The following CYLD variants were observed in gnomAD, a reference collection of about 807,000 sequenced individuals.
The protein encoded by CYLD is ubiquitin carboxyl-terminal hydrolase CYLD.
Under a neutral mutation model 104.5 loss-of-function variants are expected in CYLD, and 26 were observed. The ratio of observed to expected loss-of-function variants is 0.25; its 90% confidence interval spans 0.18 to 0.35. CYLD has a LOEUF of 0.35. CYLD is among the 10% of genes least tolerant of loss of function. The pLI is 1.00. For missense variants in CYLD, 703 were observed against 1,136.1 expected (o/e 0.62, Z 5.48); for synonymous variants, 385 against 399.9 (o/e 0.96, Z 0.45).
At chr16:50,777,413 A>G (rs1969797079) in intron 7 of CYLD, among the ~76,000 whole-genome samples, 1 of 152,226 alleles carries the variant, frequency 6.6e-6, no homozygotes, top group Admixed American at 6.5e-5. Flanking sequence ...TGATTTATAT[A>G]TAGAATTTGA....
chr16:50,754,858 T>C (rs1191285844), intron 5 of CYLD, among the ~76,000 whole-genome samples: 1 of 144,174 alleles, frequency 6.9e-6, no homozygotes, highest in Non-Finnish European at 1.5e-5. Context: ...TATGTATATA[T>C]ATACACACAC....
chr16:50,780,280 C>T (rs567550266), intron 9 of CYLD, among the ~76,000 whole-genome samples: 9 of 152,260 alleles, frequency 5.9e-5, no homozygotes, highest in African/African-American at 1.2e-4. Context: ...TTAGGCCAAT[C>T]GATTTAGGCT....
chr16:50,780,484 TTGATA>T (rs1293407616), intron 9 of CYLD, among the ~76,000 whole-genome samples: 1 of 152,168 alleles, frequency 6.6e-6, no homozygotes, highest in African/African-American at 2.4e-5. Context: ...AACATATCAT[TTGATA>T]TTTTGTAATC....
chr16:50,749,586 A>G lies in CYLD; in HGVS notation c.-113A>G. ...CCTTTCTTTTTACAGCATGGACACC[A>G]CGTTGCTGAAAACATGCTTTGGGAC... On this transcript the variant is annotated 5_prime_UTR_variant, in exon 3 of 19. Coordinates refer to ENST00000427738, the MANE Select transcript of CYLD (RefSeq NM_001378743.1). The G allele has an allele frequency of 7.5e-6, 8 of 1,060,368 alleles. No individual in the cohort carries two copies. In the South Asian group the frequency reaches 1.1e-4, roughly 15 times the overall value. The allele number at this position is 1,060,368 out of a possible 1,614,324, so 65.7% of individuals were successfully genotyped here. A position where few individuals can be genotyped will look rare whatever the true frequency, so the allele number is the denominator to read the frequency against.
At position 50,779,886 on chromosome 16, in the gene CYLD, G is replaced by T; in HGVS notation, c.1360G>T (p.Val454Phe). 1 of 1,614,020 alleles carries T rather than the reference G, an allele frequency of 6.2e-7. No individual in the cohort carries two copies. Among genetic ancestry groups the T allele is most frequent in the Non-Finnish European group, 8.5e-7 (1 of 1,179,960 alleles). Residue 454 changes from valine to phenylalanine, a missense_variant, in exon 9 of 19, where the codon GTC (valine) becomes TTC (phenylalanine). Around this residue, in one of 5 missense-constraint regions of CYLD, gnomAD observed 183 missense variants for 212.1 expected, o/e 0.86. Transcript: ENST00000427738. ...AATGGAAGAGCTAAACACTGCACCC[G>T]TCCAAGAGAGTCCACCCTTGGCCAT... ...SVMEELNTAP[V>F]QESPPLAMPP...
intron 8 of CYLD, among the ~76,000 whole-genome samples, chr16:50,779,239 T>C (rs1969976170): frequency 6.6e-6 from 1 of 152,204 alleles, no homozygotes; most frequent in Non-Finnish European, 1.5e-5. Flanking sequence ...TTTAGCCATG[T>C]TTCACAAGGA....
At position 50,755,036 on chromosome 16, in the gene CYLD, T is replaced by TAC. The variant is rs1451405302; in HGVS notation, c.913+613_913+614insCA. ...ATATGTATATATACATATATATGTA[T>TAC]ATATACATATATATGTATATATACA... On this transcript the variant is annotated intron_variant, in intron 5 of 18. Coordinates refer to ENST00000427738, the MANE Select transcript of CYLD (RefSeq NM_001378743.1). Among the ~76,000 whole-genome samples, 174 of 96,238 alleles carry TAC rather than the reference T, an allele frequency of 1.8e-3. 32 individuals are homozygous for TAC. Among genetic ancestry groups the TAC allele is most frequent in the Non-Finnish European group, 2.0e-3 (96 of 49,038 alleles). The allele number at this position is 96,238 out of a possible 152,430, so 63.1% of individuals were successfully genotyped here.
chr16:50,750,690 T>C (rs1966549062), intron 3 of CYLD, among the ~76,000 whole-genome samples: 1 of 152,188 alleles, frequency 6.6e-6, no homozygotes, highest in Non-Finnish European at 1.5e-5. Context: ...ATTGCAGACA[T>C]ATATATTTTA....
At chr16:50,772,398 G>A (rs1038251135) in intron 5 of CYLD, among the ~76,000 whole-genome samples, 3 of 152,112 alleles carry the variant, frequency 2.0e-5, no homozygotes, top group African/African-American at 7.2e-5. Flanking sequence ...AGAGATTTTA[G>A]TTGTACTTAG....
At chr16:50,752,429 T>C (rs567091408) in intron 4 of CYLD, among the ~76,000 whole-genome samples, 1 of 152,234 alleles carries the variant, frequency 6.6e-6, no homozygotes, top group South Asian at 2.1e-4. Context: ...AATACCTGAG[T>C]AGAGGAAAAC....
At chr16:50,795,187 T>C (rs1002646937) in intron 18 of CYLD, among the ~76,000 whole-genome samples, 1 of 152,222 alleles carries the variant, frequency 6.6e-6, no homozygotes, top group African/African-American at 2.4e-5. Flanking sequence ...TTTAACTCAG[T>C]CTTTCTGATC....
intron 8 of CYLD, 32 bp downstream of exon 8, chr16:50,777,973 A>T (rs754410154): frequency 1.7e-6 from 2 of 1,209,414 alleles, no homozygotes; most frequent in Non-Finnish European, 2.5e-6. Flanking sequence ...CTTTATAATG[A>T]TCCTTTCTTT....
chr16:50,762,743 A>G (rs1968093326), intron 5 of CYLD, among the ~76,000 whole-genome samples: 1 of 152,190 alleles, frequency 6.6e-6, no homozygotes, highest in Non-Finnish European at 1.5e-5. Flanking sequence ...TCATTTATTT[A>G]ATTTCCTTTT....
chr16:50,755,124 T>TAC (rs879462142), intron 5 of CYLD, among the ~76,000 whole-genome samples: 63,797 of 127,310 alleles, frequency 0.5, 17,877 homozygotes, highest in African/African-American at 0.58. Flanking sequence ...TACACATGTG[T>TAC]ATATATACAC....
intron 8 of CYLD, 172 bp downstream of exon 8, chr16:50,778,113 G>A: frequency 1.8e-6 from 1 of 557,838 alleles, no homozygotes; most frequent in South Asian, 2.4e-5. Flanking sequence ...CTGCTGTTAA[G>A]ATTATTAAAA....
At position 50,797,384 on chromosome 16, in the gene CYLD, C is replaced by G. The variant is rs1057471090; in HGVS notation, c.*876C>G. ...TTGGCATATAGAATTATTACAATTT[C>G]CTGGGAGAGATGGATATTTAAACCT... On this transcript the variant is annotated 3_prime_UTR_variant, in exon 19 of 19. Coordinates refer to ENST00000427738, the MANE Select transcript of CYLD (RefSeq NM_001378743.1). 1 of 232,172 alleles carries G rather than the reference C, an allele frequency of 4.3e-6. No homozygotes were observed. The highest frequency in any genetic ancestry group is 8.5e-6 in the Non-Finnish European group (1 of 117,462). 14.4% of individuals were successfully genotyped at this position (232,172 alleles called of 1,614,324 possible).
rs762685725 is a variant in CYLD at position 50,781,242 on chromosome 16, T to C, written c.1519-4T>C. On this transcript the variant is annotated splice_polypyrimidine_tract_variant and splice_region_variant and intron_variant, in intron 9 of 18. Transcript: ENST00000427738. Reference sequence around the variant, plus strand: ...TAATGCATATTGAAGCATTTCTTTTTCAGGAAGATGAGTGTGCAGGCTGTA... The same window carrying C: ...TAATGCATATTGAAGCATTTCTTTTCCAGGAAGATGAGTGTGCAGGCTGTA... 1 of 1,613,904 alleles carries C rather than the reference T, an allele frequency of 6.2e-7. No individual in the cohort carries two copies. The highest frequency in any genetic ancestry group is 8.5e-7 in the Non-Finnish European group (1 of 1,179,836).
At chr16:50,750,934 G>A (rs1485992465) in intron 3 of CYLD, among the ~76,000 whole-genome samples, 1 of 152,138 alleles carries the variant, frequency 6.6e-6, no homozygotes, top group Non-Finnish European at 1.5e-5. Context: ...ATTTCTACCG[G>A]AAGGAGACCC....
intron 4 of CYLD, among the ~76,000 whole-genome samples, chr16:50,752,596 T>C (rs1966719679): frequency 6.6e-6 from 1 of 152,254 alleles, no homozygotes; most frequent in South Asian, 2.1e-4. Context: ...CACATTGTTG[T>C]ACTGTCACCT....
Sources: allele counts gnomAD v4.1 joint callset (sites outside exome capture counted in the v4.1 genomes callset), GRCh38; gene constraint gnomAD v4.1.1; regional missense constraint gnomAD v4.1.1; transcripts MANE v1.5; gene names NCBI Gene and HGNC (gene_info 2026-07-23, HGNC 2026-07-21).